ARHGAP10: variants seen among roughly 807,000 people sequenced by gnomAD.
ARHGAP10 encodes Rho GTPase activating protein 10.
ARHGAP10 carries 87 observed loss-of-function variants against 108.6 expected under a neutral mutation model. That is an observed-to-expected ratio of 0.80 (90% CI 0.67 to 0.96). The LOEUF is 0.96. ARHGAP10 is among the 40% of genes least tolerant of loss of function. ARHGAP10 has a pLI of 0.00. For missense variants in ARHGAP10, 939 were observed against 954.5 expected, an observed-to-expected ratio of 0.98 and a Z score of 0.21; for synonymous variants, 347 against 341.1, an observed-to-expected ratio of 1.02 and a Z score of -0.19.
At chr4:148,050,266 T>C (rs553645336) in intron 20 of ARHGAP10, among the ~76,000 whole-genome samples, 5 of 152,204 alleles carry the variant, frequency 3.3e-5, no homozygotes, top group Admixed American at 1.3e-4. Flanking sequence ...ATTTTAATGA[T>C]GTATTTATAG....
Position 147,909,734 on chromosome 4 carries a change from G to C in ARHGAP10, c.1119G>C (p.Leu373=), listed in dbSNP as rs748530190. ...WLEALGGKEA[L]SHSFNTAIIP... Reference sequence around the variant, plus strand: ...GTTTTTCCATTCTCTTTTATTAGCTGTCCCATAGTTTTAATACAGCCATCA... The same window carrying C: ...GTTTTTCCATTCTCTTTTATTAGCTCTCCCATAGTTTTAATACAGCCATCA... Residue 373 remains leucine (L), a splice_region_variant and synonymous_variant, in exon 12 of 23, where the codon CTG becomes CTC. Transcript: ENST00000336498. 6.2e-7 allele frequency: 1 copy of C among 1,610,968 alleles called. No individual in the cohort carries two copies. The highest frequency in any genetic ancestry group is 8.5e-7 in the Non-Finnish European group (1 of 1,177,684).
At chr4:147,896,829 A>T (rs1371408932) in intron 10 of ARHGAP10, among the ~76,000 whole-genome samples, 1 of 152,110 alleles carries the variant, frequency 6.6e-6, no homozygotes, top group Admixed American at 6.5e-5. Flanking sequence ...TCCTTATGTG[A>T]TTAGGCTATA....
chr4:148,049,963 G>A (rs1412497976), intron 20 of ARHGAP10, among the ~76,000 whole-genome samples: 2 of 152,022 alleles, frequency 1.3e-5, no homozygotes, highest in Admixed American at 1.3e-4. Context: ...CGCTTCCTGG[G>A]TTCAAGTGAT....
intron 3 of ARHGAP10, among the ~76,000 whole-genome samples, chr4:147,835,432 G>A (rs1014111241): frequency 6.6e-5 from 10 of 152,076 alleles, no homozygotes; most frequent in Non-Finnish European, 1.3e-4. Context: ...GAGTGCAGTG[G>A]CAGGATCTTG....
At chr4:147,795,948 C>T (rs1038581129) in intron 1 of ARHGAP10, among the ~76,000 whole-genome samples, 3 of 152,128 alleles carry the variant, frequency 2.0e-5, no homozygotes, top group African/African-American at 7.2e-5. Flanking sequence ...CCACCTCGGC[C>T]TCTCAAAGTG....
chr4:147,923,660 T>A (rs1394944270), intron 13 of ARHGAP10, among the ~76,000 whole-genome samples: 1 of 152,226 alleles, frequency 6.6e-6, no homozygotes, highest in Non-Finnish European at 1.5e-5. Flanking sequence ...GATTTGACAA[T>A]CTTTCATTTG....
intron 18 of ARHGAP10, among the ~76,000 whole-genome samples, chr4:148,005,195 G>A (rs189028631): frequency 1.3e-3 from 198 of 152,270 alleles, no homozygotes; most frequent in African/African-American, 4.4e-3. Flanking sequence ...TGTCTATAAC[G>A]CTGCATGTCC....
At chr4:147,974,300 T>A (rs560612626) in intron 18 of ARHGAP10, among the ~76,000 whole-genome samples, 1 of 152,318 alleles carries the variant, frequency 6.6e-6, no homozygotes, top group African/African-American at 2.4e-5. Context: ...AACATTTTCA[T>A]ATACCTCATT....
At chr4:147,736,330 T>C (rs1419956350) in intron 1 of ARHGAP10, among the ~76,000 whole-genome samples, 1 of 152,216 alleles carries the variant, frequency 6.6e-6, no homozygotes, top group Non-Finnish European at 1.5e-5. Context: ...AGGAAAAACA[T>C]AAAAGTTCTC....
At chr4:148,003,804 C>G (rs1204978288) in intron 18 of ARHGAP10, among the ~76,000 whole-genome samples, 1 of 138,806 alleles carries the variant, frequency 7.2e-6, no homozygotes, top group Non-Finnish European at 1.5e-5. Context: ...CTGTGTGTGT[C>G]TCTGCATGTG....
At chr4:148,062,206 A>T (rs1467319900) in intron 20 of ARHGAP10, among the ~76,000 whole-genome samples, 6 of 152,176 alleles carry the variant, frequency 3.9e-5, no homozygotes, top group Non-Finnish European at 8.8e-5. Flanking sequence ...GATTGCACCT[A>T]GGGGCTGGCC....
At chr4:147,847,290 C>A in intron 4 of ARHGAP10, 68 bp downstream of exon 4, 1 of 1,389,572 alleles carries the variant, frequency 7.2e-7, no homozygotes, top group Non-Finnish European at 1.0e-6. Flanking sequence ...ACACTTTATT[C>A]ACATTTGGCA....
intron 19 of ARHGAP10, among the ~76,000 whole-genome samples, chr4:148,039,758 G>T (rs1270883549): frequency 6.6e-6 from 1 of 151,916 alleles, no homozygotes; most frequent in African/African-American, 2.4e-5. Flanking sequence ...TGTCTTACGT[G>T]CAGGATTTTC....
intron 20 of ARHGAP10, among the ~76,000 whole-genome samples, chr4:148,057,211 A>G (rs1729403937): frequency 6.6e-6 from 1 of 152,208 alleles, no homozygotes; most frequent in African/African-American, 2.4e-5. Flanking sequence ...TGATAGTGCC[A>G]GCTCTGGCAC....
intron 1 of ARHGAP10, among the ~76,000 whole-genome samples, chr4:147,791,156 G>A (rs1731106449): frequency 6.8e-6 from 1 of 147,990 alleles, no homozygotes; most frequent in Admixed American, 6.8e-5. Flanking sequence ...TTGTCACCAA[G>A]GCTGGAGTGC....
At chr4:147,828,807 G>A (rs115536182) in intron 3 of ARHGAP10, among the ~76,000 whole-genome samples, 81 of 152,140 alleles carry the variant, frequency 5.3e-4, no homozygotes, top group African/African-American at 1.7e-3. Flanking sequence ...AAAAAAGTCA[G>A]TGTTTCCCTC....
At chr4:147,993,156 G>A (rs1740342856) in intron 18 of ARHGAP10, among the ~76,000 whole-genome samples, 4 of 152,130 alleles carry the variant, frequency 2.6e-5, no homozygotes, top group Non-Finnish European at 1.5e-5. Context: ...TCTTTTGATT[G>A]TCATGCAGTA....
rs755019223 is a variant in ARHGAP10 at position 147,732,282 on chromosome 4, G to C, written c.-20G>C. 3.2e-6 allele frequency: 5 copies of C among 1,584,104 alleles called. No homozygotes were observed. The highest frequency in any genetic ancestry group is 4.3e-6 in the Non-Finnish European group (5 of 1,168,790). On this transcript the variant is annotated 5_prime_UTR_variant, in exon 1 of 23. Coordinates refer to ENST00000336498, the MANE Select transcript of ARHGAP10 (RefSeq NM_024605.4). Reference sequence around the variant, plus strand: ...GCAGGAGCGCGCGGCCGTGCGCACCGCGCAGCGACCGCTGCCGTCATGGGG... The same window carrying C: ...GCAGGAGCGCGCGGCCGTGCGCACCCCGCAGCGACCGCTGCCGTCATGGGG...
intron 18 of ARHGAP10, among the ~76,000 whole-genome samples, chr4:147,986,960 C>T (rs568931837): frequency 6.6e-6 from 1 of 152,298 alleles, no homozygotes; most frequent in African/African-American, 2.4e-5. Context: ...TAGGTAAAAA[C>T]CTTTTGTCTT....
Sources: gnomAD v4.1 joint callset for allele counts (sites outside exome capture counted in the v4.1 genomes callset) on GRCh38, gnomAD v4.1.1 for gene constraint, MANE v1.5 for transcripts, NCBI Gene and HGNC (gene_info 2026-07-23, HGNC 2026-07-21) for gene names.